Variants in FEZ2 observed in about 807,000 individuals in gnomAD.
FEZ2 encodes fasciculation and elongation protein zeta 2, also known as fasciculation and elongation protein zeta-2.
In FEZ2, 51 loss-of-function variants were observed where a neutral mutation model predicts 40.4. The ratio of observed to expected loss-of-function variants is 1.26; its 90% CI spans 1.01 to 1.59. FEZ2 has a LOEUF of 1.59. FEZ2 is among the 40% of genes most tolerant of loss of function. FEZ2 has a pLI of 0.00. For missense variants in FEZ2, 640 were observed against 438.3 expected (o/e 1.46, Z -4.11); for synonymous variants, 242 against 172.0 (o/e 1.41, Z -3.18).
chr2:36,588,707 G>C (rs1668980152), intron 2 of FEZ2, among the ~76,000 whole-genome samples: 1 of 151,470 alleles, frequency 6.6e-6, no homozygotes, highest in South Asian at 2.1e-4. Context: ...ATATTATAAA[G>C]TTATATTGTA....
At chr2:36,594,193 T>C (rs765851665) in intron 1 of FEZ2, among the ~76,000 whole-genome samples, 11 of 152,056 alleles carry the variant, frequency 7.2e-5, no homozygotes, top group Admixed American at 5.9e-4. Flanking sequence ...AACAAGTCTC[T>C]AGGAAGTTCC....
intron 5 of FEZ2, among the ~76,000 whole-genome samples, chr2:36,565,756 C>T (rs1008021541): frequency 6.6e-6 from 1 of 152,166 alleles, no homozygotes; most frequent in Non-Finnish European, 1.5e-5. Context: ...GGTTTCTCCA[C>T]GTTGACACTA....
intron 5 of FEZ2, among the ~76,000 whole-genome samples, chr2:36,565,810 A>C (rs1412725229): frequency 6.6e-6 from 1 of 152,136 alleles, no homozygotes; most frequent in East Asian, 1.9e-4. Flanking sequence ...GGGTCAGTGT[A>C]GTGGGGTGGG....
rs1223407179 is a variant in FEZ2 at position 36,552,461 on chromosome 2, CTT to C, written c.*700_*701del. 1 of 270,530 alleles carries C rather than the reference CTT, an allele frequency of 3.7e-6. No homozygotes were observed. The highest frequency in any genetic ancestry group is 2.5e-5 in the African/African-American group (1 of 40,560). The allele number at this position is 270,530 out of a possible 1,614,324, so 16.8% of individuals were successfully genotyped here. On this transcript the variant is annotated 3_prime_UTR_variant, in exon 8 of 8. Transcript: ENST00000405912. ...TCTCAAGCACCTCAGAGGACACACACTTAAAGTACAATTCTTCACAGACACAT... is the reference window on the plus strand; with the variant it reads ...TCTCAAGCACCTCAGAGGACACACACAAAGTACAATTCTTCACAGACACAT...
At chr2:36,577,014 G>C (rs1668592722) in intron 5 of FEZ2, among the ~76,000 whole-genome samples, 4 of 152,130 alleles carry the variant, frequency 2.6e-5, no homozygotes. Context: ...AATCTCACTT[G>C]CATAACAGGG....
At chr2:36,596,409 A>G (rs1240573899) in intron 1 of FEZ2, among the ~76,000 whole-genome samples, 1 of 152,046 alleles carries the variant, frequency 6.6e-6, no homozygotes, top group Non-Finnish European at 1.5e-5. Context: ...TTCTTCCCTA[A>G]CCTCTAAGAG....
At chr2:36,581,085 G>C (rs968526583) in intron 4 of FEZ2, among the ~76,000 whole-genome samples, 2 of 152,158 alleles carry the variant, frequency 1.3e-5, no homozygotes, top group African/African-American at 4.8e-5. Context: ...GGAGGCACAG[G>C]TTGCAGTGAG....
chr2:36,583,026 G>A (rs532619996), intron 3 of FEZ2, among the ~76,000 whole-genome samples: 1 of 152,294 alleles, frequency 6.6e-6, no homozygotes, highest in South Asian at 2.1e-4. Flanking sequence ...ATACTTTACA[G>A]TTTGTCCGTG....
intron 5 of FEZ2, chr2:36,558,888 T>A (rs1161421894): frequency 1.9e-5 from 3 of 156,008 alleles, no homozygotes; most frequent in Non-Finnish European, 4.2e-5. Context: ...CAATTTAAAC[T>A]AAAAACATAG....
chr2:36,594,380 G>C (rs1363915272), intron 1 of FEZ2: 1 of 164,910 alleles, frequency 6.1e-6, no homozygotes, highest in East Asian at 1.8e-4. Flanking sequence ...ACATACCCGA[G>C]ACTGGGAAGA....
chr2:36,574,376 A>C (rs1264836138), intron 5 of FEZ2, among the ~76,000 whole-genome samples: 3 of 152,230 alleles, frequency 2.0e-5, no homozygotes, highest in Admixed American at 6.5e-5. Flanking sequence ...TCACTCATTC[A>C]TTCAGCAGAA....
At chr2:36,559,890 G>A (rs902300029) in intron 5 of FEZ2, among the ~76,000 whole-genome samples, 2 of 152,202 alleles carry the variant, frequency 1.3e-5, no homozygotes, top group Non-Finnish European at 2.9e-5. Context: ...TTGATGAGCT[G>A]CAAATGTCAG....
At chr2:36,553,469 G>A (rs1667874563) in intron 7 of FEZ2, among the ~76,000 whole-genome samples, 2 of 152,130 alleles carry the variant, frequency 1.3e-5, no homozygotes, top group South Asian at 4.1e-4. Context: ...TGAGGCTTGT[G>A]ACACAACAAA....
chr2:36,586,438 C>G (rs1415119143), intron 2 of FEZ2, among the ~76,000 whole-genome samples: 1 of 152,170 alleles, frequency 6.6e-6, no homozygotes, highest in Admixed American at 6.5e-5. Context: ...AGTTTGAGAA[C>G]AGCCTGGGAA....
At chr2:36,592,100 C>G (rs192332245) in intron 1 of FEZ2, among the ~76,000 whole-genome samples, 148 of 152,222 alleles carry the variant, frequency 9.7e-4, no homozygotes, top group African/African-American at 3.4e-3. Flanking sequence ...AAATCAAACA[C>G]TAAACATACA....
At chr2:36,579,457 G>C (rs1312142136) in intron 4 of FEZ2, among the ~76,000 whole-genome samples, 1 of 152,140 alleles carries the variant, frequency 6.6e-6, no homozygotes, top group Non-Finnish European at 1.5e-5. Context: ...TGGATCATGA[G>C]GGCAATTTCT....
At chr2:36,583,842 A>C (rs1285576098) in intron 2 of FEZ2, among the ~76,000 whole-genome samples, 2 of 152,212 alleles carry the variant, frequency 1.3e-5, no homozygotes, top group Non-Finnish European at 2.9e-5. Context: ...AGAAAACATA[A>C]AAGTTAGTTA....
rs1275795811 is a variant in FEZ2, at chr2:36,555,717, T to G, written c.1011A>C (p.Lys337Asn). 5 of 1,597,576 alleles carry G rather than the reference T, an allele frequency of 3.1e-6. No individual in the cohort carries two copies. Among genetic ancestry groups the G allele is most frequent in the Non-Finnish European group, 4.3e-6 (5 of 1,172,314 alleles). ...ILRAMKEDSE[K>N]VPSLLTDYIL... Reference sequence around the variant, plus strand: ...TATAATCAGTTAACAAGCTCGGAACTTTTTCACTGTCCTCCTTCATGGCAC... The same window carrying G: ...TATAATCAGTTAACAAGCTCGGAACGTTTTCACTGTCCTCCTTCATGGCAC... Residue 337 changes from lysine (K) to asparagine (N), a missense_variant, in exon 7 of 8, where the codon AAA (lysine) becomes AAC (asparagine). Coordinates refer to ENST00000405912, the MANE Select transcript of FEZ2 (RefSeq NM_005102.3).
In FEZ2 at chr2:36,581,301, C is replaced by T; in HGVS notation, c.623G>A (p.Ser208Asn). ...GCAGGCTCCCTTACTCTCTTCATAA[C>T]TGCCGGTACTAGACCTCTTGAGAGT... ...IQTLKRSSTG[S>N]YEERVKRLSV... Residue 208 changes from serine (S) to asparagine (N), a missense_variant, in exon 4 of 8, where the codon AGT (serine) becomes AAT (asparagine). By Grantham distance (46) the Ser-to-Asn change is conservative. Transcript: ENST00000405912. The T allele has an allele frequency of 6.2e-7, 1 of 1,613,890 alleles. No individual in the cohort carries two copies.
Sources: gnomAD v4.1 joint callset for allele counts (sites outside exome capture counted in the v4.1 genomes callset) on GRCh38, gnomAD v4.1.1 for gene constraint, MANE v1.5 for transcripts, NCBI Gene and HGNC (gene_info 2026-07-23, HGNC 2026-07-21) for gene names.